Variants in FZD3 observed in about 807,000 individuals in gnomAD.
The protein encoded by FZD3 is frizzled-3.
FZD3 carries 30 observed loss-of-function variants against 60.7 expected under a neutral mutation model. That is an observed-to-expected ratio of 0.49 (90% CI 0.37 to 0.67). The LOEUF (loss-of-function observed/expected upper bound fraction) is 0.67, where lower values mean the gene tolerates loss of function less well. FZD3 is among the 30% of genes least tolerant of loss of function. FZD3 has a pLI of 0.00. For missense variants in FZD3, 605 were observed against 838.7 expected (o/e 0.72, Z 3.44); for synonymous variants, 246 against 275.2 (o/e 0.89, Z 1.05).
rs964950576 is a variant in FZD3 at position 28,573,191 on chromosome 8, A to G, written c.*10180A>G. 2 of 152,130 alleles carry G rather than the reference A, an allele frequency of 1.3e-5. No individual in the cohort carries two copies. The highest frequency in any genetic ancestry group is 6.6e-5 in the Admixed American group (1 of 15,262). 9.4% of individuals were successfully genotyped at this position (152,130 alleles called of 1,614,324 possible). A position where few individuals can be genotyped will look rare whatever the true frequency, so the allele number is the denominator to read the frequency against. ...TTCTATCCCCTAGTCATTCTTATCA[A>G]TACTTCCAAAATATAACCTATCTCA... On this transcript the variant is annotated 3_prime_UTR_variant, in exon 8 of 8. Transcript: ENST00000240093.
chr8:28,546,412 G>T (rs138567899), intron 5 of FZD3, among the ~76,000 whole-genome samples: 2 of 152,260 alleles, frequency 1.3e-5, no homozygotes, highest in East Asian at 3.9e-4. Flanking sequence ...GCACACCACT[G>T]TCTGTATTTT....
chr8:28,562,991 G>A lies in FZD3; in HGVS notation c.1981G>A (p.Glu661Lys). 6.2e-7 allele frequency: 1 copy of A among 1,611,880 alleles called. No homozygotes were observed. The highest frequency in any genetic ancestry group is 8.5e-7 in the Non-Finnish European group (1 of 1,177,920). The change falls in exon 8 of 8, where the codon GAA becomes AAA. Residue 661 changes from glutamate (E) to lysine (K), a missense_variant. Coordinates refer to ENST00000240093, the MANE Select transcript of FZD3 (RefSeq NM_017412.4). ...CACCAGCATGAATCGGGTTATTGAA[G>A]AAGATGGAACCAGTGCTTAATTTGT... ...HGTSMNRVIE[E>K]DGTSA
chr8:28,503,026 T>A lies in FZD3; in HGVS notation c.13T>A (p.Trp5Arg). 7.4e-6 allele frequency: 12 copies of A among 1,612,650 alleles called. No homozygotes were observed. The highest frequency in any genetic ancestry group is 1.0e-5 in the Non-Finnish European group (12 of 1,178,970). Residue 5 changes from tryptophan (W) to arginine (R), a missense_variant, in exon 3 of 8, where the codon TGG (tryptophan) becomes AGG (arginine). Physicochemically the swap from Trp to Arg is moderately radical, Grantham distance 101. Coordinates refer to ENST00000240093, the MANE Select transcript of FZD3 (RefSeq NM_017412.4). The stretch of plus-strand genomic sequence containing the variant: ...AGACCCAGGAAGGATGGCTATGACT[T>A]GGATTGTCTTCTCTCTTTGGCCCTT... MAMT[W>R]IVFSLWPLTV...
chr8:28,545,874 G>A (rs907311751), intron 5 of FZD3, among the ~76,000 whole-genome samples: 1 of 152,140 alleles, frequency 6.6e-6, no homozygotes, highest in African/African-American at 2.4e-5. Context: ...ACATAACAAT[G>A]TTTCAGTCAA....
At chr8:28,504,018 C>T (rs1365933320) in intron 3 of FZD3, among the ~76,000 whole-genome samples, 1 of 152,128 alleles carries the variant, frequency 6.6e-6, no homozygotes, top group Non-Finnish European at 1.5e-5. Flanking sequence ...GGTTACATAA[C>T]ATAATTTAGA....
intron 3 of FZD3, among the ~76,000 whole-genome samples, chr8:28,511,263 G>A (rs572214702): frequency 7.2e-5 from 11 of 151,962 alleles, no homozygotes; most frequent in African/African-American, 2.4e-4. Flanking sequence ...CGAGGCAGGC[G>A]GATCACGAGG....
chr8:28,518,955 G>A (rs1193429286), intron 3 of FZD3, among the ~76,000 whole-genome samples: 1 of 152,088 alleles, frequency 6.6e-6, no homozygotes, highest in Admixed American at 6.5e-5. Flanking sequence ...AATTTTTTCT[G>A]TTTTTAAGTT....
At position 28,567,711 on chromosome 8, in the gene FZD3, C is replaced by T. The variant is rs937382532; in HGVS notation, c.*4700C>T. Reference sequence around the variant, plus strand: ...TGTTCATTTGGTACAGTCTTTAAATCGGTCATCCAATTAACCTTTAAAAAG... The same window carrying T: ...TGTTCATTTGGTACAGTCTTTAAATTGGTCATCCAATTAACCTTTAAAAAG... On this transcript the variant is annotated 3_prime_UTR_variant, in exon 8 of 8. Coordinates refer to ENST00000240093, the MANE Select transcript of FZD3 (RefSeq NM_017412.4). 2 of 152,112 alleles carry T rather than the reference C, an allele frequency of 1.3e-5. No individual in the cohort carries two copies. Among genetic ancestry groups the T allele is most frequent in the African/African-American group, 2.4e-5 (1 of 41,410 alleles). 9.4% of individuals were successfully genotyped at this position (152,112 alleles called of 1,614,324 possible).
intron 7 of FZD3, among the ~76,000 whole-genome samples, chr8:28,559,233 G>T (rs1027860565): frequency 6.6e-6 from 1 of 152,302 alleles, no homozygotes; most frequent in Admixed American, 6.5e-5. Flanking sequence ...AATTAAAATT[G>T]TGAGCTAGAA....
chr8:28,537,382 A>G (rs146771996), intron 5 of FZD3, among the ~76,000 whole-genome samples: 35 of 152,346 alleles, frequency 2.3e-4, no homozygotes, highest in Non-Finnish European at 4.4e-4. Context: ...TGATATGCAA[A>G]TAGTTTATAC....
In FZD3 at chr8:28,534,146, A is replaced by G. The variant is rs550961546; in HGVS notation, c.1404+5982A>G. ...ACATTAGCTTAAGGATCAGCAAACT[A>G]TAGCCCATCTGAACTGTAGCCTACA... On this transcript the variant is annotated intron_variant, in intron 5 of 7. Coordinates refer to ENST00000240093, the MANE Select transcript of FZD3 (RefSeq NM_017412.4). Among the ~76,000 whole-genome samples the G allele has an allele frequency of 6.5e-4, 99 of 152,344 alleles. 1 individual carries two copies. Among genetic ancestry groups the G allele is most frequent in the African/African-American group, 2.0e-3 (85 of 41,580 alleles).
intron 6 of FZD3, among the ~76,000 whole-genome samples, chr8:28,552,959 G>A (rs542814748): frequency 1.4e-4 from 22 of 152,256 alleles, no homozygotes; most frequent in Admixed American, 2.0e-4. Context: ...GATGTATTAG[G>A]TACTGTAAGT....
chr8:28,526,206 C>CAG (rs397781280), intron 4 of FZD3, among the ~76,000 whole-genome samples: 1,724 of 151,766 alleles, frequency 0.011, 29 homozygotes, highest in African/African-American at 0.039. Context: ...CACACACACA[C>CAG]TCACACACAC....
intron 7 of FZD3, among the ~76,000 whole-genome samples, chr8:28,561,180 C>G (rs1805606628): frequency 6.6e-6 from 1 of 152,072 alleles, no homozygotes; most frequent in African/African-American, 2.4e-5. Context: ...CCTTAGCCTC[C>G]CGAGTAGCTG....
At chr8:28,535,697 C>T (rs1804992577) in intron 5 of FZD3, among the ~76,000 whole-genome samples, 1 of 152,090 alleles carries the variant, frequency 6.6e-6, no homozygotes, top group South Asian at 2.1e-4. Context: ...TCTGAGTAGT[C>T]AGAGTAATAT....
Position 28,527,965 on chromosome 8 carries a change from T to C in FZD3, c.1205T>C (p.Ile402Thr), listed in dbSNP as rs1804761549. Residue 402 changes from isoleucine to threonine, a missense_variant, in exon 5 of 8, where the codon ATT becomes ACT. Transcript: ENST00000240093. The surrounding 1 kb of genome is among the most constrained non-coding windows in gnomAD (Gnocchi z 5.0). ...AGIISLNRVR[I>T]EIPLEKENQD... Reference sequence around the variant, plus strand: ...ATTATATCCCTAAACAGAGTTCGAATTGAGATTCCATTAGAAAAGGAGAAC... The same window carrying C: ...ATTATATCCCTAAACAGAGTTCGAACTGAGATTCCATTAGAAAAGGAGAAC... The C allele has an allele frequency of 3.7e-6, 6 of 1,614,060 alleles. No individual in the cohort carries two copies. The highest frequency in any genetic ancestry group is 2.2e-5 in the South Asian group (2 of 91,080).
At chr8:28,512,924 C>G (rs1001205439) in intron 3 of FZD3, among the ~76,000 whole-genome samples, 12 of 152,034 alleles carry the variant, frequency 7.9e-5, no homozygotes, top group Non-Finnish European at 1.2e-4. Flanking sequence ...AATGAAACTT[C>G]TTTTACTACA....
chr8:28,519,025 G>C (rs1381685009), intron 3 of FZD3, among the ~76,000 whole-genome samples: 12 of 152,114 alleles, frequency 7.9e-5, no homozygotes. Flanking sequence ...GAAAGTCATA[G>C]ATAGTTTATT....
chr8:28,566,705 G>A lies in FZD3; in HGVS notation c.*3694G>A, dbSNP rs954609611. 6.6e-6 allele frequency: 1 copy of A among 151,994 alleles called. No individual in the cohort carries two copies. The highest frequency in any genetic ancestry group is 1.5e-5 in the Non-Finnish European group (1 of 67,990). The allele number at this position is 151,994 out of a possible 1,614,324, so 9.4% of individuals were successfully genotyped here. A position where few individuals can be genotyped will look rare whatever the true frequency, so the allele number is the denominator to read the frequency against. ...TAACATACCAAAATTTCATTATGAT[G>A]ATATTTATATTGCTTTTTGACATGC... On this transcript the variant is annotated 3_prime_UTR_variant, in exon 8 of 8. Coordinates refer to ENST00000240093, the MANE Select transcript of FZD3 (RefSeq NM_017412.4).
Sources: gnomAD v4.1 joint callset for allele counts (sites outside exome capture counted in the v4.1 genomes callset) on GRCh38, gnomAD v4.1.1 for gene constraint, Gnocchi (gnomAD v3.1) non-coding constraint, MANE v1.5 for transcripts, NCBI Gene and HGNC (gene_info 2026-07-23, HGNC 2026-07-21) for gene names.